Variants in DDI2 observed in about 807,000 individuals in gnomAD.
DDI2 encodes the protein protein DDI1 homolog 2.
Under a neutral mutation model 48.1 loss-of-function variants are expected in DDI2, and 5 were observed. The ratio of observed to expected loss-of-function variants is 0.10; its 90% CI spans 0.05 to 0.22. DDI2 has a LOEUF of 0.22. Among genes scored for constraint, DDI2 ranks in the 10% least tolerant of loss-of-function variants. DDI2 has a pLI of 1.00. For synonymous variants in DDI2, 205 were observed against 183.6 expected (o/e 1.12, Z -0.94); for missense variants, 285 against 506.2 (o/e 0.56, Z 4.19).
chr1:15,642,145 G>A (rs918167384), intron 5 of DDI2, among the ~76,000 whole-genome samples: 1 of 152,122 alleles, frequency 6.6e-6, no homozygotes, highest in Non-Finnish European at 1.5e-5. Flanking sequence ...GAATTATTTG[G>A]GGAGAAAGAG....
At chr1:15,629,596 CA>C (rs553217782) in intron 2 of DDI2, among the ~76,000 whole-genome samples, 1,892 of 114,792 alleles carry the variant, frequency 0.016, 26 homozygotes, top group South Asian at 0.043. Context: ...GACTCCGTGT[CA>C]AAAAAAAAAA....
In DDI2 at chr1:15,643,614, G is replaced by C. The variant is rs1386776120; in HGVS notation, c.853G>C (p.Val285Leu). 6.2e-7 allele frequency: 1 copy of C among 1,614,070 alleles called. No homozygotes were observed. Among genetic ancestry groups the C allele is most frequent in the African/African-American group, 1.3e-5 (1 of 74,932 alleles). Residue 285 changes from valine to leucine, a missense_variant, in exon 6 of 10, where the codon GTG (valine) becomes CTG (leucine). By Grantham distance (32) the Val-to-Leu change is conservative. This residue lies in a region of DDI2 where 70 missense variants were observed against 182.3 expected (regional missense o/e 0.38). Coordinates refer to ENST00000480945, the MANE Select transcript of DDI2 (RefSeq NM_032341.5). The part of the protein sequence containing the change: ...DRRWAGIAKG[V>L]GTQKIIGRVH... ...TCGGTGGGCAGGGATTGCCAAAGGA[G>C]TGGGCACCCAGAAGATTATTGGAAG...
At position 15,620,292 on chromosome 1, in the gene DDI2, T is replaced by C. The variant is rs532852765; in HGVS notation, c.138+2484T>C. Among the ~76,000 whole-genome samples, 21 of 152,274 alleles carry C rather than the reference T, an allele frequency of 1.4e-4. No individual in the cohort carries two copies. The East Asian group carries it at 4.1e-3, about 29-fold the overall frequency. ...AAGGTGTCTGGTGGTCGGTTGTCTT[T>C]CACTTGCTTGCTTGCCCATCAGGCA... On this transcript the variant is annotated intron_variant, in intron 1 of 9. Transcript: ENST00000480945.
At chr1:15,638,460 G>A in intron 5 of DDI2, 26 bp downstream of exon 5, 1 of 1,608,758 alleles carries the variant, frequency 6.2e-7, no homozygotes, top group African/African-American at 1.3e-5. Flanking sequence ...TTTATTTCTT[G>A]GTCTCCCCTC....
intron 9 of DDI2, among the ~76,000 whole-genome samples, chr1:15,658,551 T>A (rs1257422918): frequency 6.7e-6 from 1 of 150,342 alleles, no homozygotes; most frequent in Non-Finnish European, 1.5e-5. Context: ...TCACCTGAGG[T>A]CAAGAGTTTG....
chr1:15,648,578 C>G (rs963522757), intron 6 of DDI2, among the ~76,000 whole-genome samples: 2 of 152,050 alleles, frequency 1.3e-5, no homozygotes, highest in Non-Finnish European at 2.9e-5. Flanking sequence ...AAAGGACTAT[C>G]TAGAAGATAT....
At chr1:15,641,954 TCAA>T (rs1215956784) in intron 5 of DDI2, among the ~76,000 whole-genome samples, 4,352 of 51,340 alleles carry the variant, frequency 0.085, 207 homozygotes, top group African/African-American at 0.29. Context: ...AAATTCAGTC[TCAA>T]AAAAAAAAAA....
rs1346766467 is a variant in DDI2, at chr1:15,660,067, G to C, written c.*277G>C. The C allele has an allele frequency of 1.2e-6, 2 of 1,613,758 alleles. No homozygotes were observed. The highest frequency in any genetic ancestry group is 1.7e-6 in the Non-Finnish European group (2 of 1,179,948). Reference sequence around the variant, plus strand: ...TTCAGCTGAATTCCAGCTAAACTCTGAAAAGAAAGAACATCTTTCTTTACA... The same window carrying C: ...TTCAGCTGAATTCCAGCTAAACTCTCAAAAGAAAGAACATCTTTCTTTACA... On this transcript the variant is annotated 3_prime_UTR_variant, in exon 10 of 10. Transcript: ENST00000480945.
intron 8 of DDI2, among the ~76,000 whole-genome samples, chr1:15,655,448 T>C (rs866633423): frequency 2.8e-5 from 2 of 71,128 alleles, no homozygotes; most frequent in African/African-American, 8.4e-5. Context: ...GCAAAACACT[T>C]GTTTCTAAAA....
intron 1 of DDI2, among the ~76,000 whole-genome samples, chr1:15,623,639 A>G (rs991170669): frequency 6.6e-6 from 1 of 151,610 alleles, no homozygotes; most frequent in African/African-American, 2.4e-5. Flanking sequence ...CTGGCCTCAA[A>G]TGATCTTCCT....
rs188070871 is a variant in DDI2, at chr1:15,631,190, C to T, written c.505+629C>T. 7.0e-3 allele frequency among the ~76,000 whole-genome samples: 1,024 copies of T among 145,284 alleles called. 9 individuals are homozygous for T. Among genetic ancestry groups the T allele is most frequent in the African/African-American group, 0.023 (919 of 39,154 alleles). ...TTAGATCTTCAATTAAAGAGATCAT[C>T]AACAAGCCAGCTGATGCCAGCTGAT... On this transcript the variant is annotated intron_variant, in intron 3 of 9. Coordinates refer to ENST00000480945, the MANE Select transcript of DDI2 (RefSeq NM_032341.5).
At chr1:15,650,485 C>T (rs980137754) in intron 7 of DDI2, among the ~76,000 whole-genome samples, 1 of 152,112 alleles carries the variant, frequency 6.6e-6, no homozygotes, top group Admixed American at 6.6e-5. Context: ...TGGTACATGC[C>T]TGTAATTCCA....
intron 8 of DDI2, chr1:15,656,358 C>A: frequency 7.6e-7 from 1 of 1,313,942 alleles, no homozygotes; most frequent in South Asian, 1.6e-5. Context: ...CGTGAATTCT[C>A]TATGTGTAGA....
intron 7 of DDI2, among the ~76,000 whole-genome samples, chr1:15,651,321 A>G (rs937429777): frequency 6.6e-6 from 1 of 152,196 alleles, no homozygotes; most frequent in Admixed American, 6.5e-5. Context: ...AAAATACACA[A>G]AAAAGGAAGT....
intron 6 of DDI2, among the ~76,000 whole-genome samples, chr1:15,647,372 T>C (rs1223285564): frequency 1.3e-5 from 2 of 152,042 alleles, no homozygotes; most frequent in African/African-American, 4.8e-5. Flanking sequence ...GGTCTCGAAC[T>C]CCTGAGCTCA....
At chr1:15,626,955 A>G (rs1639764183) in intron 2 of DDI2, 157 bp downstream of exon 2, 6 of 950,844 alleles carry the variant, frequency 6.3e-6, no homozygotes, top group Non-Finnish European at 9.1e-6. Flanking sequence ...AAGTATTTTA[A>G]TGTCTCTAAA....
In DDI2 at chr1:15,667,692, C is replaced by G; in HGVS notation, c.*7902C>G. 6.6e-6 allele frequency: 1 copy of G among 152,192 alleles called. No homozygotes were observed. The highest frequency in any genetic ancestry group is 1.9e-4 in the East Asian group (1 of 5,200). 9.4% of individuals were successfully genotyped at this position (152,192 alleles called of 1,614,324 possible). A position where few individuals can be genotyped will look rare whatever the true frequency, so the allele number is the denominator to read the frequency against. ...GCTTCATCAAAGGGACATTTTTTAA[C>G]CTGTTATTTTAAATGCCACATATAT... is the stretch of plus-strand genomic sequence containing the variant. On this transcript the variant is annotated 3_prime_UTR_variant, in exon 10 of 10. Coordinates refer to ENST00000480945, the MANE Select transcript of DDI2 (RefSeq NM_032341.5).
chr1:15,636,757 G>C (rs1639937032), intron 4 of DDI2, among the ~76,000 whole-genome samples: 2 of 152,346 alleles, frequency 1.3e-5, no homozygotes, highest in South Asian at 4.1e-4. Flanking sequence ...GCTGTGCCAG[G>C]CCTTAGTGGA....
rs1425293675 is a variant in DDI2, at chr1:15,651,957, G to A, written c.1183+62G>A. 5.3e-6 allele frequency: 8 copies of A among 1,521,992 alleles called. No individual in the cohort carries two copies. The African/African-American group carries it at 1.1e-4, about 21-fold the overall frequency. The allele number at this position is 1,521,992 out of a possible 1,614,324, so 94.3% of individuals were successfully genotyped here. ...TGATGGGTAAGCCCGGGAAGTGTGG[G>A]CTTCAGAAGGGGTAGGAACCTTTCC... is the stretch of plus-strand genomic sequence containing the variant. On this transcript the variant is annotated intron_variant, in intron 8 of 9. Coordinates refer to ENST00000480945, the MANE Select transcript of DDI2 (RefSeq NM_032341.5).
Sources: allele counts gnomAD v4.1 joint callset (sites outside exome capture counted in the v4.1 genomes callset), GRCh38; gene constraint gnomAD v4.1.1; regional missense constraint gnomAD v4.1.1; transcripts MANE v1.5; gene names NCBI Gene and HGNC (gene_info 2026-07-23, HGNC 2026-07-21).